Variants in KIAA1328 observed in about 807,000 individuals in gnomAD.
The protein encoded by KIAA1328 is KIAA1328.
Under a neutral mutation model 68.1 loss-of-function variants are expected in KIAA1328, and 52 were observed. The ratio of observed to expected loss-of-function variants is 0.76; its 90% confidence interval spans 0.61 to 0.96. The LOEUF (loss-of-function observed/expected upper bound fraction) is 0.96, where lower values mean the gene tolerates loss of function less well. Ranked by LOEUF, KIAA1328 falls within the 40% of genes least tolerant of loss-of-function variation. The pLI, the probability that KIAA1328 is intolerant of heterozygous loss-of-function variation, is 0.00. For missense variants in KIAA1328, 641 were observed against 677.6 expected (o/e 0.95, Z 0.60); for synonymous variants, 232 against 239.4 (o/e 0.97, Z 0.28).
At chr18:37,201,452 T>TA in intron 9 of KIAA1328, among the ~76,000 whole-genome samples, 1 of 152,316 alleles carries the variant, frequency 6.6e-6, no homozygotes, top group Admixed American at 6.5e-5. Flanking sequence ...ACAGGTATGT[T>TA]ATAGTTTTCT....
At chr18:37,119,717 TG>T (rs1401232285) in intron 7 of KIAA1328, among the ~76,000 whole-genome samples, 1 of 151,376 alleles carries the variant, frequency 6.6e-6, no homozygotes, top group Non-Finnish European at 1.5e-5. Flanking sequence ...AGTGTGTGTT[TG>T]TGTGTGTGTG....
chr18:36,853,029 ACTCT>A (rs1195384893), intron 4 of KIAA1328, among the ~76,000 whole-genome samples: 3 of 151,906 alleles, frequency 2.0e-5, no homozygotes, highest in African/African-American at 7.3e-5. Flanking sequence ...TGAGGAATTG[ACTCT>A]CTCTGCCTAT....
At chr18:36,835,459 A>G (rs535240234) in intron 3 of KIAA1328, 83 bp downstream of exon 3, 452 of 1,274,734 alleles carry the variant, frequency 3.5e-4, no homozygotes, top group Non-Finnish European at 4.7e-4. Context: ...AACCTTTGAA[A>G]GTATACTAGG....
At chr18:37,115,969 C>T (rs530671560) in intron 7 of KIAA1328, among the ~76,000 whole-genome samples, 158 of 152,262 alleles carry the variant, frequency 1.0e-3, no homozygotes, top group African/African-American at 3.2e-3. Context: ...TGAAGGACCT[C>T]TTCAAGGAAA....
intron 6 of KIAA1328, among the ~76,000 whole-genome samples, chr18:37,064,196 TC>T (rs1296094969): frequency 1.2e-4 from 19 of 152,322 alleles, no homozygotes; most frequent in Admixed American, 7.8e-4. Context: ...TTGCCTGTGT[TC>T]TTTGAAGAAG....
At chr18:37,164,655 A>AGAATTGCTTGAGCCTGG (rs2154212268) in intron 8 of KIAA1328, among the ~76,000 whole-genome samples, 1 of 152,314 alleles carries the variant, frequency 6.6e-6, no homozygotes, top group South Asian at 2.1e-4. Context: ...CTGACGCAGA[A>AGAATTGCTTGAGCCTGG]GAATTGCTTG....
chr18:37,188,133 A>G (rs984268478), intron 9 of KIAA1328, among the ~76,000 whole-genome samples: 4 of 152,232 alleles, frequency 2.6e-5, no homozygotes, highest in African/African-American at 9.6e-5. Context: ...AGTGTTCTCC[A>G]TTAATGAAGT....
intron 9 of KIAA1328, among the ~76,000 whole-genome samples, chr18:37,190,762 T>C (rs901574407): frequency 6.6e-6 from 1 of 152,194 alleles, no homozygotes; most frequent in African/African-American, 2.4e-5. Flanking sequence ...ACAAGGGATG[T>C]GAGGTTTAAT....
At chr18:37,103,196 C>A (rs1186911419) in intron 7 of KIAA1328, among the ~76,000 whole-genome samples, 1 of 152,068 alleles carries the variant, frequency 6.6e-6, no homozygotes, top group Non-Finnish European at 1.5e-5. Context: ...CACAAAAGAT[C>A]CCAAATAGCA....
At chr18:36,979,365 C>G (rs2151363421) in intron 6 of KIAA1328, among the ~76,000 whole-genome samples, 1 of 151,970 alleles carries the variant, frequency 6.6e-6, no homozygotes, top group Non-Finnish European at 1.5e-5. Context: ...ACCATTAAAT[C>G]TAGTCTAAAT....
chr18:37,037,583 A>G (rs1029002129), intron 6 of KIAA1328, among the ~76,000 whole-genome samples: 1 of 152,208 alleles, frequency 6.6e-6, no homozygotes, highest in African/African-American at 2.4e-5. Context: ...TACTAAATAT[A>G]TGAAAGAAGG....
intron 6 of KIAA1328, among the ~76,000 whole-genome samples, chr18:36,974,848 C>T (rs895619745): frequency 6.6e-6 from 1 of 152,186 alleles, no homozygotes; most frequent in Non-Finnish European, 1.5e-5. Context: ...GGCTCAAAAA[C>T]TGTGCCATCT....
intron 6 of KIAA1328, among the ~76,000 whole-genome samples, chr18:37,018,822 T>G (rs2054240001): frequency 6.6e-6 from 1 of 152,188 alleles, no homozygotes. Context: ...CTTTTTTCAT[T>G]TCCTAGATTG....
chr18:36,855,461 A>G (rs2047352509), intron 4 of KIAA1328, among the ~76,000 whole-genome samples: 1 of 152,136 alleles, frequency 6.6e-6, no homozygotes, highest in Non-Finnish European at 1.5e-5. Flanking sequence ...TCTTGTAGAA[A>G]TATCTGTTCA....
chr18:37,186,893 G>A (rs1054530629), intron 9 of KIAA1328, among the ~76,000 whole-genome samples: 1 of 152,078 alleles, frequency 6.6e-6, no homozygotes, highest in African/African-American at 2.4e-5. Context: ...CCTATCATTG[G>A]CCAGGCATGG....
chr18:36,882,353 C>T (rs181759729), intron 4 of KIAA1328, among the ~76,000 whole-genome samples: 1 of 152,228 alleles, frequency 6.6e-6, no homozygotes, highest in East Asian at 1.9e-4. Context: ...TTTCTTGTTA[C>T]ATATACTTCA....
chr18:37,088,253 C>T (rs1485772186), intron 7 of KIAA1328, among the ~76,000 whole-genome samples: 1 of 152,122 alleles, frequency 6.6e-6, no homozygotes, highest in Non-Finnish European at 1.5e-5. Context: ...CACTTTGCAG[C>T]TTCATAGGTT....
chr18:37,185,197 C>T (rs2059772937), intron 9 of KIAA1328, among the ~76,000 whole-genome samples: 1 of 151,646 alleles, frequency 6.6e-6, no homozygotes, highest in African/African-American at 2.4e-5. Context: ...GGGTTTTGTG[C>T]TGGTCAGTAG....
intron 3 of KIAA1328, among the ~76,000 whole-genome samples, chr18:36,843,449 C>T (rs2046925461): frequency 6.6e-6 from 1 of 152,102 alleles, no homozygotes. Flanking sequence ...ACGATTCCTT[C>T]GTGACTCCCT....
Sources: gnomAD v4.1 joint callset for allele counts (sites outside exome capture counted in the v4.1 genomes callset) on GRCh38, gnomAD v4.1.1 for gene constraint, MANE v1.5 for transcripts, NCBI Gene and HGNC (gene_info 2026-07-23, HGNC 2026-07-21) for gene names.